The following AATK variants were observed in gnomAD, a reference collection of about 807,000 sequenced individuals.
AATK encodes serine/threonine-protein kinase LMTK1.
AATK carries 91 observed loss-of-function variants against 114.3 expected under a neutral mutation model. That is an observed-to-expected ratio of 0.80 (90% CI 0.67 to 0.95). The LOEUF (loss-of-function observed/expected upper bound fraction) is 0.95. Among genes scored for constraint, AATK ranks in the 40% least tolerant of loss-of-function variants. AATK has a pLI of 0.00. For missense variants in AATK, 2,176 were observed against 1,965.2 expected (o/e 1.11, Z -2.03); for synonymous variants, 1,075 against 916.5 (o/e 1.17, Z -3.12).
chr17:81,145,930 A>G (rs1403302418), intron 1 of AATK, among the ~76,000 whole-genome samples: 1 of 151,654 alleles, frequency 6.6e-6, no homozygotes, highest in Non-Finnish European at 1.5e-5. Flanking sequence ...GCTCACACCC[A>G]CAATCCCAGC....
chr17:81,163,971 C>T (rs2061455454), intron 1 of AATK, among the ~76,000 whole-genome samples: 1 of 152,144 alleles, frequency 6.6e-6, no homozygotes, highest in African/African-American at 2.4e-5. Flanking sequence ...CCTCTGGGTG[C>T]CCCCCCACAG....
At chr17:81,140,700 T>C (rs1286647383) in intron 1 of AATK, among the ~76,000 whole-genome samples, 624 of 64,460 alleles carry the variant, frequency 9.7e-3, no homozygotes, top group Middle Eastern at 0.029. Context: ...GCCGTTGAGC[T>C]GTGGGGCGGT....
intron 1 of AATK, among the ~76,000 whole-genome samples, chr17:81,163,782 C>T (rs1014624121): frequency 6.6e-6 from 1 of 152,264 alleles, no homozygotes; most frequent in African/African-American, 2.4e-5. Context: ...CCTGTACCAC[C>T]ACAACTGCCG....
At chr17:81,139,010 CCA>C (rs537179187) in intron 1 of AATK, among the ~76,000 whole-genome samples, 128 of 151,038 alleles carry the variant, frequency 8.5e-4, no homozygotes, top group Non-Finnish European at 1.5e-3. Flanking sequence ...TGCACGCACC[CCA>C]CACACCCACA....
intron 1 of AATK, among the ~76,000 whole-genome samples, chr17:81,163,159 C>T (rs1192949083): frequency 6.6e-6 from 1 of 152,192 alleles, no homozygotes; most frequent in Non-Finnish European, 1.5e-5. Flanking sequence ...GCGCGCCTCT[C>T]CAGAAGCCGG....
At chr17:81,125,044 GT>G in intron 7 of AATK, 30 bp from the exon 8 acceptor site, 1 of 60,498 alleles carries the variant, frequency 1.7e-5, no homozygotes. Flanking sequence ...CAGGGGCAGG[GT>G]GAGCAGGGTG....
intron 1 of AATK, among the ~76,000 whole-genome samples, chr17:81,156,518 C>T (rs1388787278): frequency 1.3e-5 from 2 of 152,192 alleles, no homozygotes; most frequent in Admixed American, 6.5e-5. Flanking sequence ...CTGCCTCAGC[C>T]TCCCGAGGAG....
At chr17:81,159,701 C>T (rs1202650828) in intron 1 of AATK, among the ~76,000 whole-genome samples, 4 of 151,932 alleles carry the variant, frequency 2.6e-5, no homozygotes, top group Non-Finnish European at 4.4e-5. Context: ...AGGGCCTCGT[C>T]GGAGGATCCT....
At chr17:81,150,862 GAAGGA>G (rs2061285935) in intron 1 of AATK, among the ~76,000 whole-genome samples, 1 of 152,228 alleles carries the variant, frequency 6.6e-6, no homozygotes. Context: ...TCCCGTGCAG[GAAGGA>G]ACTGGCGCAA....
At chr17:81,119,225 G>A (rs2060641825) in intron 13 of AATK, among the ~76,000 whole-genome samples, 155 bp downstream of exon 13, 1 of 146,538 alleles carries the variant, frequency 6.8e-6, no homozygotes, top group East Asian at 2.1e-4. Flanking sequence ...GTCCAGGCTA[G>A]GTCTGGGGCC....
chr17:81,121,816 C>G lies in AATK; in HGVS notation c.2120G>C (p.Gly707Ala). The G allele has an allele frequency of 6.3e-7, 1 of 1,587,246 alleles. No homozygotes were observed. The highest frequency in any genetic ancestry group is 1.7e-4 in the Middle Eastern group (1 of 5,946). ...DPVSAGGHAE[G>A]CPSPKQTPRA... ...TGGGGTCTGCTTTGGACTGGGGCAG[C>G]CCTCAGCGTGGCCGCCCGCAGAGAC... The change falls in exon 11 of 14, where the codon GGC becomes GCC. Residue 707 changes from glycine to alanine, a missense_variant. By Grantham distance (60) the Gly-to-Ala change is moderately conservative (BLOSUM62 0). Coordinates refer to ENST00000326724, the MANE Select transcript of AATK (RefSeq NM_001080395.3).
chr17:81,132,707 G>A, intron 2 of AATK: 1 of 324,356 alleles, frequency 3.1e-6, no homozygotes, highest in Non-Finnish European at 6.4e-6. Context: ...CAATCAGGTA[G>A]CACAGGGTCA....
intron 2 of AATK, chr17:81,133,200 G>A: frequency 2.0e-6 from 1 of 489,476 alleles, no homozygotes; most frequent in East Asian, 5.8e-5. Flanking sequence ...GATGGGGCCT[G>A]TGGCCACTTC....
intron 1 of AATK, among the ~76,000 whole-genome samples, chr17:81,143,696 T>C (rs2061173499): frequency 6.6e-6 from 1 of 152,142 alleles, no homozygotes; most frequent in Non-Finnish European, 1.5e-5. Context: ...AGGCCAGGAC[T>C]GTGTGGAGTC....
At position 81,127,791 on chromosome 17, in the gene AATK, C is replaced by A; in HGVS notation, c.533+1G>T. ...GGCCTTTGTGCCCGGTGGCCTCCCACCTGTAGGGCTGCACCTCCTCCAGGA... is the reference window on the plus strand; with the variant it reads ...GGCCTTTGTGCCCGGTGGCCTCCCAACTGTAGGGCTGCACCTCCTCCAGGA... On this transcript the variant is annotated splice_donor_variant, in intron 5 of 13. Coordinates refer to ENST00000326724, the MANE Select transcript of AATK (RefSeq NM_001080395.3). LOFTEE classifies it high-confidence loss of function. The A allele has an allele frequency of 6.6e-7, 1 of 1,518,402 alleles. No homozygotes were observed. Among genetic ancestry groups the A allele is most frequent in the Non-Finnish European group, 8.9e-7 (1 of 1,119,326 alleles). The allele number at this position is 1,518,402 out of a possible 1,614,324, so 94.1% of individuals were successfully genotyped here.
chr17:81,120,899 T>C lies in AATK; in HGVS notation c.3037A>G (p.Lys1013Glu). Residue 1013 changes from lysine to glutamate, a missense_variant, in exon 11 of 14, where the codon AAG becomes GAG. Lys to Glu is a moderately conservative substitution (Grantham distance 56, BLOSUM62 1). This residue lies in a region of AATK where 1,701 missense variants were observed against 1,394.7 expected (regional missense o/e 1.22). Transcript: ENST00000326724. ...GGGGCTCGGTCCCCGCCGCACTTCT[T>C]CTCTGGGCCTGAGGTGGCCTCGGCC... ...AEAEATSGPEKKCGGDRAPGP... is the reference protein window; with the variant it reads ...AEAEATSGPEEKCGGDRAPGP... 6.3e-7 allele frequency: 1 copy of C among 1,592,794 alleles called. No individual in the cohort carries two copies. Among genetic ancestry groups the C allele is most frequent in the Non-Finnish European group, 8.5e-7 (1 of 1,170,186 alleles).
chr17:81,165,893 G>A, intron 1 of AATK, 45 bp downstream of exon 1: 1 of 1,557,062 alleles, frequency 6.4e-7, no homozygotes, highest in Non-Finnish European at 8.7e-7. Context: ...CACGTCCGCA[G>A]CGGAGGGAGG....
rs1306409110 is a variant in AATK, at chr17:81,156,094, CAATGTATGTTA to C, written c.55+9833_55+9843del. Among the ~76,000 whole-genome samples the C allele has an allele frequency of 1.1e-3, 166 of 150,396 alleles. 1 individual carries two copies. The highest frequency in any genetic ancestry group is 2.7e-3 in the East Asian group (14 of 5,130). On this transcript the variant is annotated intron_variant, in intron 1 of 13. Coordinates refer to ENST00000326724, the MANE Select transcript of AATK (RefSeq NM_001080395.3). ...TGTTACTATGTTACAATGTATGTTA[CAATGTATGTTA>C]CAATGTATGTTACTATGTTACAATG...
At chr17:81,129,343 G>A (rs57207497) in intron 3 of AATK, among the ~76,000 whole-genome samples, 128 of 152,250 alleles carry the variant, frequency 8.4e-4, no homozygotes, top group African/African-American at 2.9e-3. Flanking sequence ...CTGTCTGGGC[G>A]GCCCTCTCTC....
Sources: allele counts gnomAD v4.1 joint callset (sites outside exome capture counted in the v4.1 genomes callset), GRCh38; gene constraint gnomAD v4.1.1; regional missense constraint gnomAD v4.1.1; transcripts MANE v1.5; gene names NCBI Gene and HGNC (gene_info 2026-07-23, HGNC 2026-07-21).